The following TESMIN variants were observed in gnomAD, a reference collection of about 807,000 sequenced individuals.
TESMIN encodes CXC domain containing 2.
Under a neutral mutation model 47.4 loss-of-function variants are expected in TESMIN, and 34 were observed. The ratio of observed to expected loss-of-function variants is 0.72; its 90% CI spans 0.55 to 0.96. The LOEUF (loss-of-function observed/expected upper bound fraction) is 0.96. Ranked by LOEUF, TESMIN falls within the 40% of genes least tolerant of loss-of-function variation. The pLI is 0.00. For synonymous variants in TESMIN, 278 were observed against 258.9 expected (o/e 1.07, Z -0.71); for missense variants, 610 against 637.2 (o/e 0.96, Z 0.46).
intron 6 of TESMIN, chr11:68,736,665 G>A (rs993445014): frequency 9.1e-5 from 89 of 982,340 alleles, no homozygotes; most frequent in Middle Eastern, 1.0e-3. Context: ...CTGGCACACC[G>A]TTTACAATAG....
intron 7 of TESMIN, 143 bp downstream of exon 7, chr11:68,715,694 C>T (rs1001262641): frequency 5.5e-5 from 35 of 630,794 alleles, no homozygotes; most frequent in Middle Eastern, 4.3e-4. Flanking sequence ...ATACCCCCAC[C>T]GGCAGGAATC....
At position 68,715,952 on chromosome 11, in the gene TESMIN, G is replaced by A. The variant is rs546097109; in HGVS notation, c.918-13C>T. The A allele has an allele frequency of 5.6e-5, 87 of 1,560,118 alleles. 1 individual carries two copies. In the South Asian group the frequency reaches 7.2e-4, roughly 13 times the overall value. The stretch of plus-strand genomic sequence containing the variant: ...GCAGTCACAGTACCTGTGAAGGAAA[G>A]GACAGAGTGAGTGGCAGGCACAGAC... On this transcript the variant is annotated splice_polypyrimidine_tract_variant and intron_variant, in intron 6 of 9. Coordinates refer to ENST00000255087, the MANE Select transcript of TESMIN (RefSeq NM_004923.3).
At chr11:68,726,136 C>T (rs1946260753) in intron 6 of TESMIN, among the ~76,000 whole-genome samples, 1 of 152,086 alleles carries the variant, frequency 6.6e-6, no homozygotes, top group Non-Finnish European at 1.5e-5. Flanking sequence ...GTCGAAGGCA[C>T]ACTCAGGGTA....
At chr11:68,740,158 C>A (rs1387770566) in intron 5 of TESMIN, among the ~76,000 whole-genome samples, 1 of 152,070 alleles carries the variant, frequency 6.6e-6, no homozygotes, top group Non-Finnish European at 1.5e-5. Flanking sequence ...TATGAAAATG[C>A]AAATCTGATT....
At chr11:68,709,927 T>G (rs1289281578) in intron 9 of TESMIN, among the ~76,000 whole-genome samples, 1 of 152,228 alleles carries the variant, frequency 6.6e-6, no homozygotes, top group Non-Finnish European at 1.5e-5. Flanking sequence ...CTCAGCAGTT[T>G]GGGACTCAGA....
chr11:68,705,835 C>T (rs979825381), downstream of TESMIN, among the ~76,000 whole-genome samples: 9 of 152,028 alleles, frequency 5.9e-5, no homozygotes, highest in Admixed American at 2.6e-4. Flanking sequence ...CCAGCCTGGC[C>T]AACATGGTGA....
chr11:68,737,218 C>T, intron 6 of TESMIN: 1 of 985,290 alleles, frequency 1.0e-6, no homozygotes, highest in Non-Finnish European at 1.2e-6. Flanking sequence ...AGCAACTGCA[C>T]CCTCACCGAT....
chr11:68,707,990 TCTG>T lies in TESMIN; in HGVS notation c.*315_*317del. The T allele has an allele frequency of 2.3e-6, 1 of 442,794 alleles. No homozygotes were observed. The highest frequency in any genetic ancestry group is 4.4e-6 in the Non-Finnish European group (1 of 229,008). The allele number at this position is 442,794 out of a possible 1,614,324, so 27.4% of individuals were successfully genotyped here. ...CCTGCTCTGCCCTCCCCTGCCCCGC[TCTG>T]CCCTTCGCAGGGCCTGCTGTGCCCT... On this transcript the variant is annotated 3_prime_UTR_variant, in exon 10 of 10. Transcript: ENST00000255087.
rs1248239997 is a variant in TESMIN, at chr11:68,710,983, G to A, written c.1225C>T (p.Arg409Ter). The A allele has an allele frequency of 5.6e-6, 9 of 1,613,772 alleles. No individual in the cohort carries two copies. Among genetic ancestry groups the A allele is most frequent in the East Asian group, 2.2e-5 (1 of 44,862 alleles). ...TTTGGCATGCTCATTAGTGTCTTTC[G>A]TTCTGGGCTTTCTTCATAATTTTTG... Reference protein sequence around the residue: ...GCKNYEESPERKTLMSMPNYM... With the variant: ...GCKNYEESPE The change falls in exon 9 of 10, where the codon CGA becomes TGA. Residue 409 changes from arginine (R) to a stop codon, truncating the protein, a stop_gained. Transcript: ENST00000255087. LOFTEE classifies it high-confidence loss of function.
chr11:68,705,995 C>T (rs556889396), downstream of TESMIN, among the ~76,000 whole-genome samples: 3 of 140,008 alleles, frequency 2.1e-5, no homozygotes, highest in East Asian at 6.3e-4. Context: ...TGCACTTCAG[C>T]CTGGGCAACA....
At chr11:68,737,698 G>GCTCCTCTCCCCACT in intron 6 of TESMIN, 2 of 974,450 alleles carry the variant, frequency 2.1e-6, no homozygotes, top group Non-Finnish European at 2.4e-6. Context: ...GATCATCTGA[G>GCTCCTCTCCCCACT]GTCAGTATTT....
Position 68,750,376 on chromosome 11 carries a change from C to T in TESMIN, c.285G>A (p.Gly95=). ...TGAGCTCTGGGATCCCGGGGTACTC[C>T]CCGAGGAGCTCCCCGCCGTCGCTGT... is the stretch of plus-strand genomic sequence containing the variant. ...GGDSDGGELL[G]EYPGIPELSA... Residue 95 remains glycine, a synonymous_variant, in exon 2 of 10, where the codon GGG becomes GGA. Coordinates refer to ENST00000255087, the MANE Select transcript of TESMIN (RefSeq NM_004923.3). The T allele has an allele frequency of 6.6e-7, 1 of 1,513,586 alleles. No homozygotes were observed. Among genetic ancestry groups the T allele is most frequent in the Non-Finnish European group, 8.9e-7 (1 of 1,127,926 alleles). 93.8% of individuals were successfully genotyped at this position (1,513,586 alleles called of 1,614,324 possible).
intron 6 of TESMIN, among the ~76,000 whole-genome samples, chr11:68,719,369 C>A (rs1352739766): frequency 6.6e-6 from 1 of 152,146 alleles, no homozygotes; most frequent in Non-Finnish European, 1.5e-5. Context: ...TTTTCATCGT[C>A]ATAAAAATGT....
chr11:68,717,366 C>G (rs537367129), intron 6 of TESMIN, among the ~76,000 whole-genome samples: 6 of 152,256 alleles, frequency 3.9e-5, no homozygotes, highest in Admixed American at 1.3e-4. Flanking sequence ...GTCTGGGCAT[C>G]AGACCAGAGA....
rs141802468 is a variant in TESMIN, at chr11:68,713,367, A to G, written c.1061T>C (p.Ile354Thr). ...GRNPEAFQPK[I>T]GKGQLGNVKP... ...GACATTGCCCAATTGGCCCTTCCCA[A>G]TTTTTGGCTGGAAAGCTTCTGGATT... The change falls in exon 8 of 10, where the codon ATT becomes ACT. Residue 354 changes from isoleucine to threonine, a missense_variant. Ile to Thr is a moderately conservative substitution (Grantham distance 89, BLOSUM62 -1). Coordinates refer to ENST00000255087, the MANE Select transcript of TESMIN (RefSeq NM_004923.3). 2.2e-5 allele frequency: 35 copies of G among 1,613,978 alleles called. No homozygotes were observed. The highest frequency in any genetic ancestry group is 2.3e-5 in the Non-Finnish European group (27 of 1,180,012).
chr11:68,726,269 G>A (rs1946263118), intron 6 of TESMIN, among the ~76,000 whole-genome samples: 1 of 152,142 alleles, frequency 6.6e-6, no homozygotes, highest in Non-Finnish European at 1.5e-5. Context: ...GGTGGGAGGG[G>A]AGGAGGCTCA....
At position 68,708,464 on chromosome 11, in the gene TESMIN, C is replaced by T. The variant is rs1278662933; in HGVS notation, c.1371G>A (p.Glu457=). The change falls in exon 10 of 10, where the codon GAG becomes GAA. Residue 457 remains glutamate (E), a synonymous_variant. Transcript: ENST00000255087. ...PSSCISWEVV[E]ATCACLLAQG... The stretch of plus-strand genomic sequence containing the variant: ...GAGCAAGCAGGCAGGCGCATGTGGC[C>T]TCCACCACCTCCCAGGAGATGCATG... The T allele has an allele frequency of 4.3e-6, 7 of 1,612,884 alleles. No homozygotes were observed. The African/African-American group carries it at 9.3e-5, about 22-fold the overall frequency.
intron 5 of TESMIN, among the ~76,000 whole-genome samples, chr11:68,741,402 G>T (rs1566324979): frequency 6.6e-6 from 1 of 151,836 alleles, no homozygotes; most frequent in Non-Finnish European, 1.5e-5. Flanking sequence ...TCACAACGGA[G>T]CCATGATCAC....
At chr11:68,741,325 T>C (rs554972932) in intron 5 of TESMIN, among the ~76,000 whole-genome samples, 1 of 152,326 alleles carries the variant, frequency 6.6e-6, no homozygotes, top group Admixed American at 6.5e-5. Flanking sequence ...CCGCCTGGGA[T>C]GTTCCACAGC....
Sources: gnomAD v4.1 joint callset for allele counts (sites outside exome capture counted in the v4.1 genomes callset) on GRCh38, gnomAD v4.1.1 for gene constraint, MANE v1.5 for transcripts, NCBI Gene and HGNC (gene_info 2026-07-23, HGNC 2026-07-21) for gene names.